TBX5: variants seen among roughly 807,000 people sequenced by gnomAD.
TBX5 encodes the protein T-box transcription factor 5.
In TBX5, 8 loss-of-function variants were observed where a neutral mutation model predicts 51.1. The observed-to-expected ratio is 0.16, with a 90% CI of 0.09 to 0.28. The LOEUF (loss-of-function observed/expected upper bound fraction) is 0.28. Among genes scored for constraint, TBX5 ranks in the 10% least tolerant of loss-of-function variants. The pLI, the probability that TBX5 is intolerant of heterozygous loss-of-function variation, is 1.00. For missense variants in TBX5, 589 were observed against 671.7 expected, an observed-to-expected ratio of 0.88 and a Z score of 1.36; for synonymous variants, 302 against 266.4, an observed-to-expected ratio of 1.13 and a Z score of -1.30.
intron 7 of TBX5, among the ~76,000 whole-genome samples, chr12:114,384,366 C>T (rs1870679425): frequency 6.6e-6 from 1 of 151,984 alleles, no homozygotes. Context: ...GCCTCAAATT[C>T]CTGGGTTCAA....
intron 7 of TBX5, among the ~76,000 whole-genome samples, chr12:114,384,714 A>AAC (rs1555225276): frequency 0.05 from 7,221 of 143,906 alleles, 442 homozygotes; most frequent in African/African-American, 0.15. Flanking sequence ...AAAAAAAGAA[A>AAC]ACACACACAC....
Position 114,375,468 on chromosome 12 carries a change from T to C in TBX5, c.756-9077A>G, listed in dbSNP as rs1171139555. 2.0e-5 allele frequency among the ~76,000 whole-genome samples: 3 copies of C among 152,044 alleles called. No individual in the cohort carries two copies. In the East Asian group the frequency reaches 5.8e-4, roughly 29 times the overall value. On this transcript the variant is annotated intron_variant, in intron 7 of 8. Transcript: ENST00000405440. The stretch of plus-strand genomic sequence containing the variant: ...TGGTGAAAAAAATCCCATTAAAAAA[T>C]GGGCAAAAGACCTGAATAGACATTT...
chr12:114,404,322 A>AAAAAC (rs1021839753), intron 1 of TBX5, among the ~76,000 whole-genome samples: 10 of 152,140 alleles, frequency 6.6e-5, no homozygotes, highest in Admixed American at 1.3e-4. Context: ...GGTAGGAACC[A>AAAAAC]AAAACAAAAC....
At chr12:114,357,494 C>T (rs368910538) in intron 8 of TBX5, among the ~76,000 whole-genome samples, 31 of 152,294 alleles carry the variant, frequency 2.0e-4, no homozygotes, top group Admixed American at 1.5e-3. Flanking sequence ...AGGGCATCTA[C>T]GCTCAGAGAC....
At position 114,385,599 on chromosome 12, in the gene TBX5, T is replaced by G. The variant is rs747740370; in HGVS notation, c.664-32A>C. The G allele has an allele frequency of 6.3e-6, 10 of 1,580,692 alleles. No individual in the cohort carries two copies. In the South Asian group the frequency reaches 1.1e-4, roughly 17 times the overall value. ...GAAAGAGGAAGAGAGAACAAGCTGG[T>G]TTTCACTTGATTGCTGCAAGACCAC... On this transcript the variant is annotated intron_variant, in intron 6 of 8. Transcript: ENST00000405440.
chr12:114,399,382 G>T, intron 4 of TBX5, 131 bp downstream of exon 4: 1 of 1,303,018 alleles, frequency 7.7e-7, no homozygotes, highest in South Asian at 1.2e-5. Flanking sequence ...AATGGGATAG[G>T]CGGACAGACG....
rs1057065756 is a variant in TBX5, at chr12:114,354,137, AT to A, written c.*1394del. On this transcript the variant is annotated 3_prime_UTR_variant, in exon 9 of 9. Transcript: ENST00000405440. ...CTGTTCTCTTTATTAGGGTCTGTTT[AT>A]AAAAAAGGAAAAAAAAAATTCTTTT... 1.4e-3 allele frequency: 96 copies of A among 68,592 alleles called. No individual in the cohort carries two copies. Among genetic ancestry groups the A allele is most frequent in the African/African-American group, 4.9e-3 (92 of 18,910 alleles). The allele number at this position is 68,592 out of a possible 1,614,324, so 4.2% of individuals were successfully genotyped here. A position where few individuals can be genotyped will look rare whatever the true frequency, so the allele number is the denominator to read the frequency against.
intron 2 of TBX5, among the ~76,000 whole-genome samples, chr12:114,403,411 G>C (rs978752631): frequency 1.3e-5 from 2 of 152,200 alleles, no homozygotes; most frequent in Non-Finnish European, 2.9e-5. Context: ...TCTACACATA[G>C]TGCAGAGGGA....
At chr12:114,404,800 C>T (rs1468998321) in intron 1 of TBX5, among the ~76,000 whole-genome samples, 1 of 152,110 alleles carries the variant, frequency 6.6e-6, no homozygotes, top group Non-Finnish European at 1.5e-5. Flanking sequence ...TTCAGCCAGG[C>T]CTGGCCTGCT....
intron 3 of TBX5, among the ~76,000 whole-genome samples, 177 bp downstream of exon 3, chr12:114,401,649 T>G (rs1314221397): frequency 6.6e-6 from 1 of 152,180 alleles, no homozygotes; most frequent in East Asian, 1.9e-4. Context: ...TCCTTGTGCC[T>G]CTTTAACCAG....
intron 8 of TBX5, among the ~76,000 whole-genome samples, chr12:114,359,568 G>A (rs1869120737): frequency 6.6e-6 from 1 of 152,164 alleles, no homozygotes; most frequent in Non-Finnish European, 1.5e-5. Context: ...ACCGAAATGA[G>A]TCTCTTAGGT....
chr12:114,375,381 T>C lies in TBX5; in HGVS notation c.756-8990A>G, dbSNP rs1194923604. ...CTTTTTTAACAAGCCCCCCAGGTAA[T>C]TGTGATGTCTACCAAAAGTTTGAGA... On this transcript the variant is annotated intron_variant, in intron 7 of 8. Coordinates refer to ENST00000405440, the MANE Select transcript of TBX5 (RefSeq NM_181486.4). 3.9e-4 allele frequency among the ~76,000 whole-genome samples: 59 copies of C among 152,136 alleles called. 1 individual carries two copies. Among genetic ancestry groups the C allele is most frequent in the Non-Finnish European group, 8.8e-5 (6 of 68,028 alleles).
upstream of TBX5, chr12:114,408,068 A>G (rs1872339513): frequency 9.1e-6 from 9 of 985,458 alleles, no homozygotes; most frequent in Non-Finnish European, 1.1e-5. Context: ...GATAGCGACT[A>G]TCTCACCAGC....
intron 7 of TBX5, among the ~76,000 whole-genome samples, chr12:114,376,455 G>A (rs772589697): frequency 1.3e-5 from 2 of 152,142 alleles, no homozygotes; most frequent in Non-Finnish European, 2.9e-5. Flanking sequence ...ACCTGTAGCA[G>A]TGGAGAGGAG....
Position 114,355,702 on chromosome 12 carries a change from G to T in TBX5, c.1387C>A (p.His463Asn). Residue 463 changes from histidine to asparagine, a missense_variant, in exon 9 of 9, where the codon CAC (histidine) becomes AAC (asparagine). By Grantham distance (68) the His-to-Asn change is moderately conservative. Coordinates refer to ENST00000405440, the MANE Select transcript of TBX5 (RefSeq NM_181486.4). ...GMFQHQTSVA[H>N]QPVVRQCGPQ... ...CCACACTGCCTGACCACAGGCTGGTGGGCCACGGAGGTCTGGTGCTGGAAC... is the reference window on the plus strand; with the variant it reads ...CCACACTGCCTGACCACAGGCTGGTTGGCCACGGAGGTCTGGTGCTGGAAC... 1 of 1,613,966 alleles carries T rather than the reference G, an allele frequency of 6.2e-7. No individual in the cohort carries two copies. The highest frequency in any genetic ancestry group is 1.1e-5 in the South Asian group (1 of 91,066).
Position 114,354,405 on chromosome 12 carries a change from G to A in TBX5, c.*1127C>T, listed in dbSNP as rs1231931177. On this transcript the variant is annotated 3_prime_UTR_variant, in exon 9 of 9. Coordinates refer to ENST00000405440, the MANE Select transcript of TBX5 (RefSeq NM_181486.4). Reference sequence around the variant, plus strand: ...ACACACTTTTTTTAATACTGTTTTCGGCTTTCAGTAAACACAGTTTTGTGT... The same window carrying A: ...ACACACTTTTTTTAATACTGTTTTCAGCTTTCAGTAAACACAGTTTTGTGT... 6.6e-6 allele frequency: 1 copy of A among 151,684 alleles called. No homozygotes were observed. The highest frequency in any genetic ancestry group is 6.6e-5 in the Admixed American group (1 of 15,236). The allele number at this position is 151,684 out of a possible 1,614,324, so 9.4% of individuals were successfully genotyped here.
chr12:114,406,308 C>G (rs1872220447), upstream of TBX5, among the ~76,000 whole-genome samples: 1 of 151,468 alleles, frequency 6.6e-6, no homozygotes, highest in African/African-American at 2.4e-5. Context: ...ATAACTCCCT[C>G]CTCTCTACCC....
At chr12:114,378,575 C>G (rs1307639200) in intron 7 of TBX5, among the ~76,000 whole-genome samples, 1 of 152,238 alleles carries the variant, frequency 6.6e-6, no homozygotes, top group Non-Finnish European at 1.5e-5. Flanking sequence ...GACACTCCTT[C>G]TAGGTAGAAG....
intron 8 of TBX5, among the ~76,000 whole-genome samples, chr12:114,359,672 G>C (rs565412797): frequency 5.9e-5 from 9 of 152,220 alleles, no homozygotes; most frequent in African/African-American, 2.2e-4. Flanking sequence ...TTTTGATTCC[G>C]GATAAAGTGA....
Sources: allele counts gnomAD v4.1 joint callset (sites outside exome capture counted in the v4.1 genomes callset), GRCh38; gene constraint gnomAD v4.1.1; transcripts MANE v1.5; gene names NCBI Gene and HGNC (gene_info 2026-07-23, HGNC 2026-07-21).